The following SGCZ variants were observed in gnomAD, a reference collection of about 807,000 sequenced individuals.
The protein encoded by SGCZ is sarcoglycan zeta.
SGCZ carries 40 observed loss-of-function variants against 41.3 expected under a neutral mutation model. The observed-to-expected ratio is 0.97, with a 90% CI of 0.75 to 1.26. SGCZ has a LOEUF of 1.26. Among genes scored for constraint, SGCZ ranks in the 50% most tolerant of loss-of-function variants. The pLI is 0.00. For synonymous variants in SGCZ, 206 were observed against 137.5 expected, an observed-to-expected ratio of 1.50 and a Z score of -3.49; for missense variants, 552 against 369.8, an observed-to-expected ratio of 1.49 and a Z score of -4.04.
intron 1 of SGCZ, among the ~76,000 whole-genome samples, chr8:14,713,787 T>C (rs1809598739): frequency 6.6e-6 from 1 of 152,094 alleles, no homozygotes; most frequent in Non-Finnish European, 1.5e-5. Context: ...GTTAATTTGT[T>C]ATTGTCACTA....
intron 2 of SGCZ, among the ~76,000 whole-genome samples, chr8:14,334,285 A>G (rs1802432874): frequency 1.3e-5 from 2 of 152,090 alleles, no homozygotes; most frequent in African/African-American, 4.8e-5. Flanking sequence ...TATATTAATA[A>G]TAGCTCAGTT....
At chr8:15,051,719 T>C (rs1383868233) in intron 1 of SGCZ, among the ~76,000 whole-genome samples, 2 of 152,214 alleles carry the variant, frequency 1.3e-5, no homozygotes, top group African/African-American at 4.8e-5. Flanking sequence ...GATATCTCAT[T>C]GTGGTTTTAA....
intron 1 of SGCZ, among the ~76,000 whole-genome samples, chr8:14,969,409 T>C (rs557918125): frequency 2.0e-5 from 3 of 152,206 alleles, no homozygotes; most frequent in Admixed American, 1.3e-4. Context: ...ATTTAAAGTA[T>C]AGAATTTGGA....
intron 1 of SGCZ, among the ~76,000 whole-genome samples, chr8:15,096,704 T>G (rs1806359367): frequency 6.6e-6 from 1 of 152,138 alleles, no homozygotes; most frequent in African/African-American, 2.4e-5. Flanking sequence ...TTTTATTTTT[T>G]GAGACACAGT....
rs184872932 is a variant in SGCZ, at chr8:14,144,626, G to C, written c.547+19954C>G. Among the ~76,000 whole-genome samples, 8 of 152,304 alleles carry C rather than the reference G, an allele frequency of 5.3e-5. No homozygotes were observed. In the East Asian group the frequency reaches 1.4e-3, roughly 26 times the overall value. On this transcript the variant is annotated intron_variant, in intron 5 of 7. Transcript: ENST00000382080. ...AAAAGTAAAAGGAAGACCAAGTCTT[G>C]TATCTTAAGTATCAGCATTGCCACA...
rs750064815 is a variant in SGCZ at position 14,624,555 on chromosome 8, ATTTTTTTT to A, written c.40-69637_40-69630del. Among the ~76,000 whole-genome samples the A allele has an allele frequency of 6.3e-4, 61 of 96,242 alleles. No individual in the cohort carries two copies. The South Asian group carries it at 6.9e-3, about 11-fold the overall frequency. The allele number at this position is 96,242 out of a possible 152,430, so 63.1% of individuals were successfully genotyped here. A position where few individuals can be genotyped will look rare whatever the true frequency, so the allele number is the denominator to read the frequency against. Reference sequence around the variant, plus strand: ...ATCACTCCCCAATTTTATTATTATTATTTTTTTTTTTTTTTTTTTTTTTTTTTTTTTTT... The same window carrying A: ...ATCACTCCCCAATTTTATTATTATTATTTTTTTTTTTTTTTTTTTTTTTTT... On this transcript the variant is annotated intron_variant, in intron 1 of 7. Transcript: ENST00000382080.
intron 2 of SGCZ, among the ~76,000 whole-genome samples, chr8:14,379,826 G>A (rs1003215643): frequency 2.6e-5 from 4 of 151,992 alleles, no homozygotes; most frequent in Non-Finnish European, 5.9e-5. Flanking sequence ...CCACCTCCCG[G>A]GTTCAAGTGA....
chr8:15,147,822 G>A (rs1799076956), intron 1 of SGCZ, among the ~76,000 whole-genome samples: 1 of 152,172 alleles, frequency 6.6e-6, no homozygotes, highest in Non-Finnish European at 1.5e-5. Context: ...GAAGAAGGAT[G>A]TCTATTAATT....
At chr8:14,124,291 C>T (rs1379112948) in intron 5 of SGCZ, among the ~76,000 whole-genome samples, 2 of 152,142 alleles carry the variant, frequency 1.3e-5, no homozygotes, top group African/African-American at 2.4e-5. Flanking sequence ...TTTCTCCTCT[C>T]TCTCTCTCCC....
chr8:14,892,017 A>G (rs529633567), intron 1 of SGCZ, among the ~76,000 whole-genome samples: 13 of 152,382 alleles, frequency 8.5e-5, no homozygotes, highest in South Asian at 4.1e-4. Context: ...TGGGCAACCA[A>G]CAAATTCGGG....
chr8:15,174,741 A>C (rs929858409), intron 1 of SGCZ, among the ~76,000 whole-genome samples: 1 of 152,324 alleles, frequency 6.6e-6, no homozygotes, highest in Non-Finnish European at 1.5e-5. Context: ...TTGCCAGTGT[A>C]ATAGTATGGA....
intron 2 of SGCZ, among the ~76,000 whole-genome samples, chr8:14,441,838 T>G (rs1436455964): frequency 6.6e-6 from 1 of 152,200 alleles, no homozygotes; most frequent in Admixed American, 6.5e-5. Context: ...ACCCCACCTC[T>G]GACTCTGGTA....
chr8:14,741,942 A>G (rs1322637914), intron 1 of SGCZ, among the ~76,000 whole-genome samples: 1 of 152,064 alleles, frequency 6.6e-6, no homozygotes, highest in Non-Finnish European at 1.5e-5. Flanking sequence ...AGGTGGCAAA[A>G]TTTAAACTAT....
intron 1 of SGCZ, among the ~76,000 whole-genome samples, chr8:14,726,315 T>C (rs4831308): frequency 0.29 from 35,189 of 122,834 alleles, 5,388 homozygotes; most frequent in African/African-American, 0.39. Flanking sequence ...TAAATACATA[T>C]ATATATATCT....
At chr8:14,445,906 T>A (rs1413725875) in intron 2 of SGCZ, among the ~76,000 whole-genome samples, 4 of 152,150 alleles carry the variant, frequency 2.6e-5, no homozygotes, top group Non-Finnish European at 4.4e-5. Flanking sequence ...TCATGCCTGA[T>A]CTGGCCATCA....
chr8:14,362,123 G>A (rs1323388383), intron 2 of SGCZ, among the ~76,000 whole-genome samples: 2 of 152,182 alleles, frequency 1.3e-5, no homozygotes, highest in Non-Finnish European at 2.9e-5. Context: ...GTGTCTCCCA[G>A]TCAGGCTACA....
chr8:14,326,780 G>C lies in SGCZ; in HGVS notation c.235-2576C>G, dbSNP rs567134479. ...AGGGCTGATTTACACCAGTTTTATAGTATCCTCTTACATTTTCAAAAATAA... is the reference window on the plus strand; with the variant it reads ...AGGGCTGATTTACACCAGTTTTATACTATCCTCTTACATTTTCAAAAATAA... On this transcript the variant is annotated intron_variant, in intron 2 of 7. Coordinates refer to ENST00000382080, the MANE Select transcript of SGCZ (RefSeq NM_139167.4). Among the ~76,000 whole-genome samples the C allele has an allele frequency of 7.9e-5, 12 of 152,204 alleles. 1 individual carries two copies. The highest frequency in any genetic ancestry group is 3.3e-4 in the Admixed American group (5 of 15,292).
At chr8:14,318,092 T>C (rs1205198121) in intron 3 of SGCZ, among the ~76,000 whole-genome samples, 1 of 151,826 alleles carries the variant, frequency 6.6e-6, no homozygotes, top group Non-Finnish European at 1.5e-5. Context: ...ATAAGAAAGG[T>C]TGTATTTCAA....
intron 1 of SGCZ, among the ~76,000 whole-genome samples, chr8:14,647,992 T>C (rs1443831922): frequency 6.6e-6 from 1 of 151,958 alleles, no homozygotes; most frequent in Admixed American, 6.6e-5. Flanking sequence ...TGGAGTGGAT[T>C]CTGCAAAGAG....
Sources: allele counts gnomAD v4.1 joint callset (sites outside exome capture counted in the v4.1 genomes callset), GRCh38; gene constraint gnomAD v4.1.1; transcripts MANE v1.5; gene names NCBI Gene and HGNC (gene_info 2026-07-23, HGNC 2026-07-21).